Variants in C1orf146 observed in about 807,000 individuals in gnomAD.
The protein encoded by C1orf146 is chromosome 1 open reading frame 146, also known as protein SPO16 homolog.
In C1orf146, 22 loss-of-function variants were observed where a neutral mutation model predicts 23.0. The observed-to-expected ratio is 0.96, with a 90% CI of 0.68 to 1.36. C1orf146 has a LOEUF of 1.36. Among genes scored for constraint, C1orf146 ranks in the 40% most tolerant of loss-of-function variants. The pLI, the probability that C1orf146 is intolerant of heterozygous loss-of-function variation, is 0.00. For missense variants in C1orf146, 199 were observed against 206.8 expected, an observed-to-expected ratio of 0.96 and a Z score of 0.23; for synonymous variants, 59 against 65.3, an observed-to-expected ratio of 0.90 and a Z score of 0.47.
At chr1:92,226,027 TAA>T (rs1651957916) in intron 1 of C1orf146, among the ~76,000 whole-genome samples, 1 of 152,220 alleles carries the variant, frequency 6.6e-6, no homozygotes. Flanking sequence ...AATTGAGATA[TAA>T]GTCATGTGAC....
chr1:92,218,898 C>T (rs974785471), intron 1 of C1orf146, among the ~76,000 whole-genome samples: 2 of 152,188 alleles, frequency 1.3e-5, no homozygotes, highest in African/African-American at 4.8e-5. Context: ...AAGGCACTGC[C>T]CCAGCCCCAG....
intron 5 of C1orf146, among the ~76,000 whole-genome samples, chr1:92,245,242 GT>G (rs1652567907): frequency 6.6e-6 from 1 of 152,160 alleles, no homozygotes; most frequent in Non-Finnish European, 1.5e-5. Context: ...CCTCTGCAAA[GT>G]GTGCCCAGAC....
chr1:92,236,033 CA>C (rs1337653299), intron 2 of C1orf146, among the ~76,000 whole-genome samples: 3 of 152,146 alleles, frequency 2.0e-5, no homozygotes, highest in Non-Finnish European at 2.9e-5. Flanking sequence ...TTCCTGAATA[CA>C]GCACACCGAT....
At position 92,240,203 on chromosome 1, in the gene C1orf146, G is replaced by A. The variant is rs116644023; in HGVS notation, c.67-2009G>A. ...TCCCTGTGAGAGCTGTTCTATTTTCGTCAAAAGATCTGTTCAGCCTCTCTT... is the reference window on the plus strand; with the variant it reads ...TCCCTGTGAGAGCTGTTCTATTTTCATCAAAAGATCTGTTCAGCCTCTCTT... On this transcript the variant is annotated intron_variant, in intron 2 of 5. Transcript: ENST00000370375. 2.6e-3 allele frequency among the ~76,000 whole-genome samples: 392 copies of A among 152,288 alleles called. 3 individuals carry two copies. The highest frequency in any genetic ancestry group is 9.3e-3 in the South Asian group (45 of 4,822).
intron 1 of C1orf146, among the ~76,000 whole-genome samples, chr1:92,226,125 T>A (rs138329056): frequency 3.9e-5 from 6 of 152,316 alleles, no homozygotes; most frequent in African/African-American, 1.4e-4. Context: ...AAGTCTGCCA[T>A]TTTGCTATTT....
At chr1:92,237,974 G>A (rs3103171) in intron 2 of C1orf146, among the ~76,000 whole-genome samples, 72,516 of 152,008 alleles carry the variant, frequency 0.48, 18,297 homozygotes, top group East Asian at 0.96. Context: ...CTGTCGCCGA[G>A]GCTGGAGTGC....
chr1:92,237,673 C>T (rs184833057), intron 2 of C1orf146, among the ~76,000 whole-genome samples: 157 of 152,324 alleles, frequency 1.0e-3, no homozygotes, highest in African/African-American at 3.5e-3. Flanking sequence ...CTGCGTTGCT[C>T]ATGCTGGGAG....
At position 92,225,665 on chromosome 1, in the gene C1orf146, T is replaced by C. The variant is rs114876156; in HGVS notation, c.-39-5717T>C. ...TTGTATGACTTTTGTTTCATGTATT[T>C]TGGAGGTCTGTTAGATGAATATATA... On this transcript the variant is annotated intron_variant, in intron 1 of 5. Transcript: ENST00000370375. Among the ~76,000 whole-genome samples, 911 of 152,232 alleles carry C rather than the reference T, an allele frequency of 6.0e-3. 8 individuals are homozygous for C. The highest frequency in any genetic ancestry group is 0.019 in the African/African-American group (803 of 41,538).
chr1:92,228,904 T>C (rs1454987829), intron 1 of C1orf146: 2 of 416,304 alleles, frequency 4.8e-6, no homozygotes, highest in South Asian at 1.9e-5. Flanking sequence ...TTTCGAAGGC[T>C]TATTCCAGAT....
At chr1:92,235,539 C>A (rs1483404612) in intron 2 of C1orf146, among the ~76,000 whole-genome samples, 1 of 152,118 alleles carries the variant, frequency 6.6e-6, no homozygotes, top group African/African-American at 2.4e-5. Flanking sequence ...ACTATGTGGT[C>A]AGTTTTGGAA....
chr1:92,227,626 T>C (rs1652000602), intron 1 of C1orf146, among the ~76,000 whole-genome samples: 1 of 152,196 alleles, frequency 6.6e-6, no homozygotes, highest in Non-Finnish European at 1.5e-5. Context: ...GATTTTATTT[T>C]TGTCATAAAA....
chr1:92,222,748 G>A lies in C1orf146; in HGVS notation c.-40+4700G>A, dbSNP rs1366984241. 4.0e-5 allele frequency among the ~76,000 whole-genome samples: 6 copies of A among 151,338 alleles called. 1 individual carries two copies. Among genetic ancestry groups the A allele is most frequent in the East Asian group, 1.9e-4 (1 of 5,170 alleles). On this transcript the variant is annotated intron_variant, in intron 1 of 5. Transcript: ENST00000370375. The stretch of plus-strand genomic sequence containing the variant: ...ACTACAGGCGCCTGCCACCACGCCC[G>A]GCTAATTTTTTGTATTTTTAGTAGA...
chr1:92,239,550 G>A (rs771889967), intron 2 of C1orf146, among the ~76,000 whole-genome samples: 11 of 152,012 alleles, frequency 7.2e-5, no homozygotes, highest in Non-Finnish European at 1.3e-4. Context: ...CAGGAGTTTT[G>A]AGACCAGCCT....
chr1:92,237,212 C>T (rs920455256), intron 2 of C1orf146, among the ~76,000 whole-genome samples: 2 of 152,128 alleles, frequency 1.3e-5, no homozygotes, highest in African/African-American at 4.8e-5. Context: ...TTTTTCTGCT[C>T]TGTTTTTTCC....
chr1:92,222,535 G>GTT, intron 1 of C1orf146, among the ~76,000 whole-genome samples: 673 of 60,532 alleles, frequency 0.011, 9 homozygotes, highest in African/African-American at 0.035. Context: ...CCCTTCTTCG[G>GTT]TTTTTTTTTT....
chr1:92,230,798 A>G (rs1652101742), intron 1 of C1orf146, among the ~76,000 whole-genome samples: 1 of 151,984 alleles, frequency 6.6e-6, no homozygotes, highest in Non-Finnish European at 1.5e-5. Context: ...TTCAGGTCCT[A>G]CCTCACATAT....
chr1:92,240,501 G>C (rs1652406175), intron 2 of C1orf146, among the ~76,000 whole-genome samples: 1 of 152,138 alleles, frequency 6.6e-6, no homozygotes, highest in African/African-American at 2.4e-5. Flanking sequence ...CTGTAGGTCA[G>C]GATCTATCTG....
chr1:92,220,736 C>T (rs945614898), intron 1 of C1orf146, among the ~76,000 whole-genome samples: 2 of 152,108 alleles, frequency 1.3e-5, no homozygotes, highest in East Asian at 1.9e-4. Flanking sequence ...ATACTGTGAC[C>T]GCCAATTCTA....
At chr1:92,235,969 C>T (rs1484710218) in intron 2 of C1orf146, among the ~76,000 whole-genome samples, 2 of 152,024 alleles carry the variant, frequency 1.3e-5, no homozygotes, top group African/African-American at 2.4e-5. Context: ...TTTGGTAGAT[C>T]TTCCTCCATC....
Sources: gnomAD v4.1 joint callset for allele counts (sites outside exome capture counted in the v4.1 genomes callset) on GRCh38, gnomAD v4.1.1 for gene constraint, MANE v1.5 for transcripts, NCBI Gene and HGNC (gene_info 2026-07-23, HGNC 2026-07-21) for gene names.